Variants in AATF observed in about 807,000 individuals in gnomAD.
AATF encodes the protein protein AATF.
Under a neutral mutation model 63.7 loss-of-function variants are expected in AATF, and 48 were observed. The observed-to-expected ratio is 0.75, with a 90% CI of 0.60 to 0.96. AATF has a LOEUF of 0.96. Among genes scored for constraint, AATF ranks in the 40% least tolerant of loss-of-function variants. The pLI is 0.00. For synonymous variants in AATF, 258 were observed against 247.7 expected (o/e 1.04, Z -0.39); for missense variants, 639 against 685.7 (o/e 0.93, Z 0.76).
rs2071263506 is a variant in AATF, at chr17:36,997,531, C to T, written c.1398+6674C>T. ...AATCGAAAGCACAATGCGATACCAC[C>T]TTACTCCTGCAAGAATGGCCATAAT... On this transcript the variant is annotated intron_variant, in intron 8 of 11. Coordinates refer to ENST00000619387, the MANE Select transcript of AATF (RefSeq NM_012138.4). 3.3e-5 allele frequency among the ~76,000 whole-genome samples: 5 copies of T among 152,254 alleles called. No individual in the cohort carries two copies. In the South Asian group the frequency reaches 1.0e-3, roughly 32 times the overall value.
chr17:36,975,018 C>G (rs2071069326), intron 4 of AATF, among the ~76,000 whole-genome samples: 1 of 152,096 alleles, frequency 6.6e-6, no homozygotes, highest in Non-Finnish European at 1.5e-5. Flanking sequence ...ATGTTATTTT[C>G]TTTCAGACAG....
chr17:37,055,030 C>A (rs1048213405), intron 11 of AATF: 2 of 152,320 alleles, frequency 1.3e-5, no homozygotes, highest in African/African-American at 4.8e-5. Flanking sequence ...GGCTGCCGTC[C>A]ACCTTGGCAG....
At chr17:37,009,823 CAAAAAAAAAAAAAAA>C (rs1160362372) in intron 8 of AATF, among the ~76,000 whole-genome samples, 1 of 28,800 alleles carries the variant, frequency 3.5e-5, no homozygotes, top group Non-Finnish European at 7.3e-5. Flanking sequence ...GACTCCGTCT[CAAAAAAAAAAAAAAA>C]AAAAAAAAAA....
intron 4 of AATF, among the ~76,000 whole-genome samples, chr17:36,957,303 C>G (rs2070909788): frequency 6.6e-6 from 1 of 152,180 alleles, no homozygotes; most frequent in Admixed American, 6.5e-5. Flanking sequence ...AGCATTAGCA[C>G]AGTGTCTGGC....
intron 8 of AATF, among the ~76,000 whole-genome samples, chr17:37,016,223 T>G (rs574491132): frequency 6.2e-4 from 94 of 152,362 alleles, no homozygotes; most frequent in South Asian, 1.4e-3. Flanking sequence ...TAATATTTAT[T>G]TTATTCCTCA....
At chr17:36,949,794 G>A (rs1336477326) in intron 1 of AATF, among the ~76,000 whole-genome samples, 1 of 152,220 alleles carries the variant, frequency 6.6e-6, no homozygotes, top group Non-Finnish European at 1.5e-5. Flanking sequence ...GGGATAATAA[G>A]GAGGGATAAA....
intron 2 of AATF, among the ~76,000 whole-genome samples, chr17:36,951,037 T>TA (rs930914007): frequency 2.6e-5 from 4 of 152,206 alleles, no homozygotes; most frequent in African/African-American, 9.7e-5. Flanking sequence ...TTTGCCATTC[T>TA]AAAAAATCAC....
chr17:37,022,112 CCG>C (rs1491178808), intron 10 of AATF, among the ~76,000 whole-genome samples: 1 of 107,150 alleles, frequency 9.3e-6, no homozygotes, highest in Non-Finnish European at 1.8e-5. Context: ...TTGGTAACTG[CCG>C]TGTGTGTGTG....
At chr17:36,954,013 T>C (rs1159005119) in intron 4 of AATF, 106 bp downstream of exon 4, 1 of 1,248,402 alleles carries the variant, frequency 8.0e-7, no homozygotes, top group African/African-American at 1.5e-5. Context: ...TTGTGCTTTC[T>C]TCTCATCTGC....
At chr17:37,049,032 T>C (rs912881936) in intron 11 of AATF, among the ~76,000 whole-genome samples, 1 of 152,168 alleles carries the variant, frequency 6.6e-6, no homozygotes, top group South Asian at 2.1e-4. Flanking sequence ...ATTTATGCAA[T>C]GCGGACTTTG....
intron 8 of AATF, among the ~76,000 whole-genome samples, chr17:37,010,385 A>G (rs969385264): frequency 2.0e-5 from 3 of 152,102 alleles, no homozygotes; most frequent in African/African-American, 7.2e-5. Context: ...GTGAACCCAG[A>G]AGGCGGAGCT....
intron 1 of AATF, 115 bp downstream of exon 1, chr17:36,949,331 G>T (rs1567961074): frequency 9.7e-7 from 1 of 1,025,826 alleles, no homozygotes; most frequent in Non-Finnish European, 1.4e-6. Context: ...CCTTCGCTTG[G>T]CGCAGAGGAA....
intron 8 of AATF, chr17:36,999,223 T>C (rs1162055328): frequency 1.3e-5 from 2 of 152,210 alleles, no homozygotes; most frequent in African/African-American, 2.4e-5. Context: ...TGTCTACTTT[T>C]GTGGATGTTT....
chr17:36,965,333 A>G (rs1259865849), intron 4 of AATF, among the ~76,000 whole-genome samples: 1 of 152,018 alleles, frequency 6.6e-6, no homozygotes, highest in Non-Finnish European at 1.5e-5. Flanking sequence ...GTCCTCTTCC[A>G]TCTTTAAAAC....
Position 37,022,758 on chromosome 17 carries a change from G to A in AATF, c.1547+1744G>A, listed in dbSNP as rs147719869. On this transcript the variant is annotated intron_variant, in intron 10 of 11. Transcript: ENST00000619387. ...GTTGCTGTGACGATTAAATGAATAG[G>A]GTGTGTATGGCTCTTAGAATAGTGC... Among the ~76,000 whole-genome samples, 227 of 152,146 alleles carry A rather than the reference G, an allele frequency of 1.5e-3. 1 individual carries two copies. The highest frequency in any genetic ancestry group is 5.2e-3 in the African/African-American group (215 of 41,498).
intron 11 of AATF, chr17:37,034,942 G>T (rs986708854): frequency 6.6e-6 from 1 of 151,756 alleles, no homozygotes; most frequent in Non-Finnish European, 1.5e-5. Context: ...TGGCTAACAC[G>T]GTGAAACCCC....
Position 36,953,247 on chromosome 17 carries a change from C to T in AATF, c.645C>T (p.Val215=). The T allele has an allele frequency of 6.2e-7, 1 of 1,614,074 alleles. No individual in the cohort carries two copies. The highest frequency in any genetic ancestry group is 1.7e-5 in the Admixed American group (1 of 60,020). Residue 215 remains valine (V), a synonymous_variant, in exon 3 of 12, where the codon GTC becomes GTT. Coordinates refer to ENST00000619387, the MANE Select transcript of AATF (RefSeq NM_012138.4). ...DDGVVMTFSS[V]KVSEEVEKGR... ...GTGTGGTGATGACCTTCTCTAGTGT[C>T]AAAGTTTCTGAGGAAGTGGAGAAAG... is the stretch of plus-strand genomic sequence containing the variant.
At chr17:37,018,088 G>A (rs555843712) in intron 8 of AATF, among the ~76,000 whole-genome samples, 29 of 152,238 alleles carry the variant, frequency 1.9e-4, no homozygotes, top group Non-Finnish European at 3.5e-4. Flanking sequence ...AAGATTTTTG[G>A]AATTTTAATC....
intron 11 of AATF, among the ~76,000 whole-genome samples, chr17:37,053,355 T>G (rs540793232): frequency 1.1e-4 from 17 of 152,124 alleles, no homozygotes; most frequent in African/African-American, 4.1e-4. Context: ...TTTAAACTAC[T>G]TAGAGCCTTA....
Sources: allele counts gnomAD v4.1 joint callset (sites outside exome capture counted in the v4.1 genomes callset), GRCh38; gene constraint gnomAD v4.1.1; transcripts MANE v1.5; gene names NCBI Gene and HGNC (gene_info 2026-07-23, HGNC 2026-07-21).